COL4A6: variants seen among roughly 807,000 people sequenced by gnomAD.
COL4A6 encodes collagen alpha-6(IV) chain.
A neutral mutation model predicts 126.7 loss-of-function variants in COL4A6; 59 were observed. The ratio of observed to expected loss-of-function variants is 0.47; its 90% CI spans 0.38 to 0.58. The LOEUF is 0.58. Among genes scored for constraint, COL4A6 ranks in the 20% least tolerant of loss-of-function variants. The pLI is 0.00. For synonymous variants in COL4A6, 547 were observed against 496.6 expected, an observed-to-expected ratio of 1.10 and a Z score of -1.35; for missense variants, 1,285 against 1,337.3, an observed-to-expected ratio of 0.96 and a Z score of 0.61.
Position 108,161,707 on chromosome X carries a change from AC to A in COL4A6, c.4244del (p.Gly1415ValfsTer49). On this transcript the variant is annotated frameshift_variant, in exon 42 of 45. Transcript: ENST00000334504. LOFTEE classifies it high-confidence loss of function. ...QGSKGLPGIP[G>X]KDGPSGLPGP... is the part of the protein sequence containing the mutation. ...CTGGGAGCCCACTGGGGCCATCTTT[AC>A]CGGGGATGCCAGGTAAACCTTTGGA... The A allele has an allele frequency of 8.3e-7, 1 of 1,205,167 alleles. No homozygotes were observed. The highest frequency in any genetic ancestry group is 1.1e-6 in the Non-Finnish European group (1 of 891,275).
intron 2 of COL4A6, among the ~76,000 whole-genome samples, chrX:108,342,299 C>CTAT (rs2148007179): frequency 8.9e-6 from 1 of 112,291 alleles, no homozygotes; most frequent in South Asian, 3.7e-4. Flanking sequence ...GTTCATGTGA[C>CTAT]CATCAGATGC....
At chrX:108,420,973 A>G (rs1289065490) in intron 2 of COL4A6, among the ~76,000 whole-genome samples, 1 of 112,125 alleles carries the variant, frequency 8.9e-6, no homozygotes, top group Non-Finnish European at 1.9e-5. Flanking sequence ...TAGTGTTACA[A>G]GCTTTAGGAG....
intron 2 of COL4A6, among the ~76,000 whole-genome samples, chrX:108,327,484 G>A (rs2039186218): frequency 9.5e-6 from 1 of 104,984 alleles, no homozygotes; most frequent in Non-Finnish European, 1.9e-5. Flanking sequence ...GCAGCATCAT[G>A]AATGAGTATC....
intron 2 of COL4A6, among the ~76,000 whole-genome samples, chrX:108,372,459 A>G (rs2040350101): frequency 8.9e-6 from 1 of 112,064 alleles, no homozygotes; most frequent in Admixed American, 9.5e-5. Flanking sequence ...GGCACTTGGA[A>G]AATAAGAATG....
At chrX:108,303,004 C>A (rs914048728) in intron 3 of COL4A6, among the ~76,000 whole-genome samples, 2 of 107,603 alleles carry the variant, frequency 1.9e-5, no homozygotes, top group Non-Finnish European at 3.8e-5. Flanking sequence ...CCCCCTCCAC[C>A]CCCCCAATTT....
At chrX:108,182,054 G>A (rs2034702030) in intron 23 of COL4A6, among the ~76,000 whole-genome samples, 1 of 112,185 alleles carries the variant, frequency 8.9e-6, no homozygotes, top group Non-Finnish European at 1.9e-5. Flanking sequence ...CTTAAATCAA[G>A]GTTGGGAATT....
chrX:108,405,986 G>T (rs1347976322), intron 2 of COL4A6, among the ~76,000 whole-genome samples: 1 of 110,816 alleles, frequency 9.0e-6, no homozygotes, highest in East Asian at 2.8e-4. Flanking sequence ...TTTTTTTGTG[G>T]AGACAGGGTC....
At chrX:108,367,594 A>G (rs1310379054) in intron 2 of COL4A6, among the ~76,000 whole-genome samples, 1 of 112,242 alleles carries the variant, frequency 8.9e-6, no homozygotes, top group African/African-American at 3.2e-5. Flanking sequence ...GTTTTACAAA[A>G]CAATTATTTC....
At chrX:108,371,843 G>T (rs1158903555) in intron 2 of COL4A6, among the ~76,000 whole-genome samples, 1 of 90,973 alleles carries the variant, frequency 1.1e-5, no homozygotes, top group Non-Finnish European at 2.1e-5. Flanking sequence ...CATGACAGAG[G>T]TCCAATATGA....
At chrX:108,292,858 A>G (rs1179244964) in intron 3 of COL4A6, among the ~76,000 whole-genome samples, 1 of 106,842 alleles carries the variant, frequency 9.4e-6, no homozygotes, top group Non-Finnish European at 1.9e-5. Flanking sequence ...CAGAAGTGGA[A>G]AGATTTCATG....
chrX:108,365,425 G>A (rs1227620570), intron 2 of COL4A6, among the ~76,000 whole-genome samples: 1 of 111,633 alleles, frequency 9.0e-6, no homozygotes, highest in Non-Finnish European at 1.9e-5. Flanking sequence ...CTTTAGGGTA[G>A]GCACTACATC....
intron 13 of COL4A6, among the ~76,000 whole-genome samples, chrX:108,201,011 C>T (rs754311344): frequency 8.9e-6 from 1 of 112,274 alleles, no homozygotes; most frequent in South Asian, 3.7e-4. Context: ...GTCTCCAACA[C>T]TAGGGTTCTC....
At chrX:108,302,998 C>A (rs914861113) in intron 3 of COL4A6, among the ~76,000 whole-genome samples, 1 of 106,964 alleles carries the variant, frequency 9.3e-6, no homozygotes, top group African/African-American at 3.5e-5. Context: ...GCCCTCCCCC[C>A]TCCACCCCCC....
chrX:108,379,768 G>A (rs1271386900), intron 2 of COL4A6, among the ~76,000 whole-genome samples: 3 of 109,767 alleles, frequency 2.7e-5, no homozygotes, highest in African/African-American at 1.0e-4. Context: ...ACAAATACAG[G>A]TGAAACATAC....
At chrX:108,251,134 C>A (rs2036842552) in intron 3 of COL4A6, among the ~76,000 whole-genome samples, 1 of 111,350 alleles carries the variant, frequency 9.0e-6, no homozygotes, top group African/African-American at 3.3e-5. Flanking sequence ...CGGACTGAGG[C>A]AGGAGGGAAA....
intron 38 of COL4A6, 135 bp from the exon 39 acceptor site, chrX:108,165,173 G>A: frequency 1.2e-6 from 1 of 820,326 alleles, no homozygotes; most frequent in Non-Finnish European, 1.8e-6. Flanking sequence ...TGGGGTCCTA[G>A]TGCCCAGACT....
intron 37 of COL4A6, among the ~76,000 whole-genome samples, chrX:108,166,914 T>A (rs1229029366): frequency 8.9e-6 from 1 of 111,891 alleles, no homozygotes; most frequent in Admixed American, 9.5e-5. Flanking sequence ...AGCTTATATA[T>A]ATAAACTGAA....
chrX:108,220,134 C>G (rs2148259321), intron 4 of COL4A6, among the ~76,000 whole-genome samples: 1 of 111,991 alleles, frequency 8.9e-6, no homozygotes, highest in Admixed American at 9.4e-5. Context: ...GGTGCAATTC[C>G]TGCTTATCCT....
chrX:108,202,728 T>C (rs1311189814), intron 13 of COL4A6, among the ~76,000 whole-genome samples, 200 bp downstream of exon 13: 1 of 111,716 alleles, frequency 9.0e-6, no homozygotes, highest in African/African-American at 3.3e-5. Flanking sequence ...ACCTCTAAGG[T>C]ATACAGCCTC....
Sources: gnomAD v4.1 joint callset for allele counts (sites outside exome capture counted in the v4.1 genomes callset) on GRCh38, gnomAD v4.1.1 for gene constraint, MANE v1.5 for transcripts, NCBI Gene and HGNC (gene_info 2026-07-23, HGNC 2026-07-21) for gene names.